Variants in SLC24A2 observed in about 807,000 individuals in gnomAD.
SLC24A2 encodes the protein sodium/potassium/calcium exchanger 2.
Under a neutral mutation model 62.0 loss-of-function variants are expected in SLC24A2, and 36 were observed. The ratio of observed to expected loss-of-function variants is 0.58; its 90% CI spans 0.44 to 0.77. The LOEUF (loss-of-function observed/expected upper bound fraction) is 0.77, where lower values mean the gene tolerates loss of function less well. Among genes scored for constraint, SLC24A2 ranks in the 30% least tolerant of loss-of-function variants. The probability of loss-of-function intolerance (pLI) is 0.00; values close to 1 mark genes in which losing one functional copy is unlikely to be tolerated. For missense variants in SLC24A2, 846 were observed against 817.9 expected, an observed-to-expected ratio of 1.03 and a Z score of -0.42; for synonymous variants, 358 against 294.0, an observed-to-expected ratio of 1.22 and a Z score of -2.23.
At chr9:19,523,075 C>T (rs145641954) in intron 9 of SLC24A2, among the ~76,000 whole-genome samples, 2 of 152,100 alleles carry the variant, frequency 1.3e-5, no homozygotes, top group African/African-American at 4.8e-5. Flanking sequence ...TCCAGCTACT[C>T]GGGGGTTGAG....
chr9:19,713,508 G>A (rs1178054345), intron 2 of SLC24A2, among the ~76,000 whole-genome samples: 1 of 152,114 alleles, frequency 6.6e-6, no homozygotes, highest in Non-Finnish European at 1.5e-5. Context: ...GCAAGTTTGA[G>A]ACCTAAAATT....
chr9:19,851,716 A>G, the SLC24A2 span, among the ~76,000 whole-genome samples: 1 of 152,268 alleles, frequency 6.6e-6, no homozygotes, highest in South Asian at 2.1e-4. Context: ...ATTTTTAAAA[A>G]ATCCAGTTAA....
intron 8 of SLC24A2, among the ~76,000 whole-genome samples, chr9:19,528,762 A>G (rs1833550501): frequency 1.3e-5 from 2 of 152,228 alleles, no homozygotes. Context: ...CCCATGGACC[A>G]GAGTAGACAG....
At chr9:20,274,594 C>A in the SLC24A2 span, among the ~76,000 whole-genome samples, 5 of 152,046 alleles carry the variant, frequency 3.3e-5, no homozygotes, top group Non-Finnish European at 4.4e-5. Context: ...GTAAAGGGAA[C>A]CCTGGAAAGG....
rs1563970423 is a variant in SLC24A2 at position 19,565,906 on chromosome 9, C to CTATATATAAAAACTGGCTA, written c.1347+7444_1347+7445insTAGCCAGTTTTTATATATA. On this transcript the variant is annotated intron_variant, in intron 7 of 10. Transcript: ENST00000341998. ...ATAAATGGTACTGGGAAAACTGGCTCGCTATATATAGAAAGCTGAAACTGG... is the reference window on the plus strand; with the variant it reads ...ATAAATGGTACTGGGAAAACTGGCTCTATATATAAAAACTGGCTAGCTATATATAGAAAGCTGAAACTGG... 6.0e-5 allele frequency among the ~76,000 whole-genome samples: 9 copies of CTATATATAAAAACTGGCTA among 149,702 alleles called. No individual in the cohort carries two copies. In the East Asian group the frequency reaches 1.5e-3, roughly 26 times the overall value.
In SLC24A2 at chr9:19,510,756, G is replaced by C. The variant is rs546738430; in HGVS notation, c.*5397C>G. On this transcript the variant is annotated 3_prime_UTR_variant, in exon 11 of 11. Coordinates refer to ENST00000341998, the MANE Select transcript of SLC24A2 (RefSeq NM_020344.4). The stretch of plus-strand genomic sequence containing the variant: ...ATGAATGATCTGGTAGAAGTGCTTT[G>C]GCTTAGATAATATGGTGCTCTACAC... The C allele has an allele frequency of 3.9e-5, 6 of 152,290 alleles. No individual in the cohort carries two copies. Among genetic ancestry groups the C allele is most frequent in the South Asian group, 2.1e-4 (1 of 4,820 alleles). The allele number at this position is 152,290 out of a possible 1,614,324, so 9.4% of individuals were successfully genotyped here. A position where few individuals can be genotyped will look rare whatever the true frequency, so the allele number is the denominator to read the frequency against.
At chr9:20,176,952 A>G in the SLC24A2 span, among the ~76,000 whole-genome samples, 3 of 151,958 alleles carry the variant, frequency 2.0e-5, no homozygotes, top group Admixed American at 6.6e-5. Context: ...CTTACTATCC[A>G]TTGTTCCTTA....
the SLC24A2 span, among the ~76,000 whole-genome samples, chr9:19,961,019 GGTGGGTGT>G: frequency 3.7e-5 from 3 of 80,336 alleles, no homozygotes; most frequent in Non-Finnish European, 8.6e-5. Flanking sequence ...GGATTAGAGG[GGTGGGTGT>G]GTGTGTGTGT....
the SLC24A2 span, among the ~76,000 whole-genome samples, chr9:20,083,044 G>A: frequency 1.3e-5 from 2 of 152,212 alleles, no homozygotes; most frequent in African/African-American, 2.4e-5. Context: ...TCATACTACA[G>A]TGCCGGGGTC....
the SLC24A2 span, among the ~76,000 whole-genome samples, chr9:20,022,080 T>C: frequency 3.9e-4 from 60 of 152,220 alleles, no homozygotes; most frequent in Non-Finnish European, 6.9e-4. Context: ...CCTTCTTCAA[T>C]GTTAACTACA....
chr9:19,901,423 C>T, the SLC24A2 span, among the ~76,000 whole-genome samples: 8 of 152,060 alleles, frequency 5.3e-5, no homozygotes, highest in Non-Finnish European at 8.8e-5. Flanking sequence ...AAATATGGTT[C>T]TCCTGCAGGC....
At chr9:19,553,760 T>C (rs930901998) in intron 7 of SLC24A2, among the ~76,000 whole-genome samples, 2 of 152,220 alleles carry the variant, frequency 1.3e-5, no homozygotes, top group African/African-American at 4.8e-5. Flanking sequence ...CATTTAATTC[T>C]AGGACTCCTG....
chr9:19,961,903 G>A, the SLC24A2 span, among the ~76,000 whole-genome samples: 172 of 152,268 alleles, frequency 1.1e-3, 4 homozygotes, highest in East Asian at 0.031. Flanking sequence ...AAAGAATGTA[G>A]TCCCAGCCAA....
At chr9:20,059,039 T>G in the SLC24A2 span, among the ~76,000 whole-genome samples, 3 of 152,236 alleles carry the variant, frequency 2.0e-5, no homozygotes, top group Non-Finnish European at 4.4e-5. Flanking sequence ...GGCAAGACTA[T>G]ATAGTTAATA....
Position 19,508,515 on chromosome 9 carries a change from G to A in SLC24A2, c.*7638C>T, listed in dbSNP as rs1832592630. ...TTTACTCAAATTACATAAAAGGGCTGGGTATGGTGGCTCATTCCTTTAATC... is the reference window on the plus strand; with the variant it reads ...TTTACTCAAATTACATAAAAGGGCTAGGTATGGTGGCTCATTCCTTTAATC... On this transcript the variant is annotated 3_prime_UTR_variant, in exon 11 of 11. Transcript: ENST00000341998. 6.6e-6 allele frequency: 1 copy of A among 152,196 alleles called. No individual in the cohort carries two copies. The allele number at this position is 152,196 out of a possible 1,614,324, so 9.4% of individuals were successfully genotyped here. A position where few individuals can be genotyped will look rare whatever the true frequency, so the allele number is the denominator to read the frequency against.
the SLC24A2 span, among the ~76,000 whole-genome samples, chr9:20,017,881 A>T: frequency 6.6e-6 from 1 of 152,122 alleles, no homozygotes; most frequent in African/African-American, 2.4e-5. Flanking sequence ...GCCTCTCCCA[A>T]TCCACTGACT....
intron 2 of SLC24A2, among the ~76,000 whole-genome samples, chr9:19,719,331 T>A (rs1820956128): frequency 6.6e-6 from 1 of 152,214 alleles, no homozygotes; most frequent in Non-Finnish European, 1.5e-5. Context: ...GAAGATAATT[T>A]GCTACCTGGT....
the SLC24A2 span, among the ~76,000 whole-genome samples, chr9:20,199,439 G>T: frequency 6.6e-6 from 1 of 152,158 alleles, no homozygotes; most frequent in Admixed American, 6.5e-5. Context: ...GATGGACTTT[G>T]CTTCTTAACC....
At chr9:19,597,334 C>T (rs1836729628) in intron 4 of SLC24A2, 55 bp from the exon 5 acceptor site, 3 of 1,197,584 alleles carry the variant, frequency 2.5e-6, no homozygotes, top group African/African-American at 3.0e-5. Context: ...AATGCAAGAA[C>T]TTTGTTTTTA....
Sources: gnomAD v4.1 joint callset for allele counts (sites outside exome capture counted in the v4.1 genomes callset) on GRCh38, gnomAD v4.1.1 for gene constraint, MANE v1.5 for transcripts, NCBI Gene and HGNC (gene_info 2026-07-23, HGNC 2026-07-21) for gene names.